Variants in ZC3H12B observed in about 807,000 individuals in gnomAD.
ZC3H12B encodes the protein zinc finger CCCH-type containing 12B.
ZC3H12B carries 7 observed loss-of-function variants against 43.9 expected under a neutral mutation model. The observed-to-expected ratio is 0.16, with a 90% CI of 0.09 to 0.30. The LOEUF (loss-of-function observed/expected upper bound fraction) is 0.30, where lower values mean the gene tolerates loss of function less well. Ranked by LOEUF, ZC3H12B falls within the 10% of genes least tolerant of loss-of-function variation. ZC3H12B has a pLI of 1.00. For missense variants in ZC3H12B, 475 were observed against 670.2 expected, an observed-to-expected ratio of 0.71 and a Z score of 3.22; for synonymous variants, 222 against 241.7, an observed-to-expected ratio of 0.92 and a Z score of 0.76.
At chrX:65,085,669 G>A in the ZC3H12B span, among the ~76,000 whole-genome samples, 1 of 110,129 alleles carries the variant, frequency 9.1e-6, no homozygotes, top group African/African-American at 3.3e-5. Context: ...CTACTCGGAA[G>A]TATAAGATGG....
At chrX:65,168,257 T>A in the ZC3H12B span, among the ~76,000 whole-genome samples, 18 of 112,144 alleles carry the variant, frequency 1.6e-4, no homozygotes, top group Non-Finnish European at 2.6e-4. Flanking sequence ...GGCTGTTGAA[T>A]TTTTTCCATG....
At chrX:65,421,985 G>A (rs1311561696) in intron 3 of ZC3H12B, among the ~76,000 whole-genome samples, 2 of 110,194 alleles carry the variant, frequency 1.8e-5, no homozygotes, top group African/African-American at 6.6e-5. Context: ...ATGAGCTGAT[G>A]TTCATAAAAC....
the ZC3H12B span, among the ~76,000 whole-genome samples, chrX:65,155,887 C>A: frequency 9.1e-6 from 1 of 109,937 alleles, no homozygotes; most frequent in Non-Finnish European, 1.9e-5. Flanking sequence ...ATTATTCCCA[C>A]TTTTCCTGTA....
the ZC3H12B span, among the ~76,000 whole-genome samples, chrX:65,290,203 G>A: frequency 9.0e-6 from 1 of 110,601 alleles, no homozygotes; most frequent in African/African-American, 3.3e-5. Context: ...AAGGTGATAT[G>A]CAAAATGGTT....
the ZC3H12B span, among the ~76,000 whole-genome samples, chrX:65,151,837 A>C: frequency 8.9e-6 from 1 of 111,817 alleles, no homozygotes; most frequent in Non-Finnish European, 1.9e-5. Flanking sequence ...CCTCAATAAA[A>C]TACTGGCAAA....
At chrX:65,250,073 G>A in the ZC3H12B span, among the ~76,000 whole-genome samples, 1 of 110,285 alleles carries the variant, frequency 9.1e-6, no homozygotes, top group South Asian at 3.9e-4. Flanking sequence ...ATCTCCTAAT[G>A]CTATCCCTCC....
At chrX:65,262,799 GTTA>G in the ZC3H12B span, among the ~76,000 whole-genome samples, 1 of 110,478 alleles carries the variant, frequency 9.1e-6, no homozygotes, top group East Asian at 2.8e-4. Context: ...TTCATGCATT[GTTA>G]TTTTTATTCA....
chrX:65,372,978 T>A (rs898919554), intron 2 of ZC3H12B, among the ~76,000 whole-genome samples: 1 of 112,268 alleles, frequency 8.9e-6, no homozygotes, highest in Non-Finnish European at 1.9e-5. Context: ...AAGCTGGACA[T>A]TAATCAGTCC....
At chrX:65,159,554 T>C in the ZC3H12B span, among the ~76,000 whole-genome samples, 10 of 111,880 alleles carry the variant, frequency 8.9e-5, no homozygotes, top group Non-Finnish European at 1.5e-4. Context: ...CACTCATGAT[T>C]TGGCTCTCTG....
At chrX:65,262,850 T>A in the ZC3H12B span, among the ~76,000 whole-genome samples, 1 of 110,606 alleles carries the variant, frequency 9.0e-6, no homozygotes, top group South Asian at 3.7e-4. Context: ...TTTGCTAGAT[T>A]CTCTTTCTCT....
chrX:65,180,899 T>G, the ZC3H12B span, among the ~76,000 whole-genome samples: 5 of 111,544 alleles, frequency 4.5e-5, no homozygotes. Context: ...TACCAGAAAC[T>G]ACTTCAAATT....
chrX:65,165,662 A>G, the ZC3H12B span, among the ~76,000 whole-genome samples: 1 of 112,696 alleles, frequency 8.9e-6, no homozygotes, highest in Non-Finnish European at 1.9e-5. Flanking sequence ...TCCATGGGGT[A>G]TATGTGCCAA....
chrX:65,048,488 A>G, the ZC3H12B span, among the ~76,000 whole-genome samples: 1 of 111,566 alleles, frequency 9.0e-6, no homozygotes, highest in Admixed American at 9.5e-5. Context: ...AGGAACCTCC[A>G]TACTGTTTTC....
intron 3 of ZC3H12B, among the ~76,000 whole-genome samples, chrX:65,481,997 C>T (rs2068069407): frequency 9.0e-6 from 1 of 111,044 alleles, no homozygotes. Context: ...TCAGAATTGC[C>T]CCGATCCTTG....
chrX:65,284,026 CAGGACTG>C, the ZC3H12B span, among the ~76,000 whole-genome samples: 1 of 110,947 alleles, frequency 9.0e-6, no homozygotes, highest in African/African-American at 3.3e-5. Flanking sequence ...CGATCCCCAG[CAGGACTG>C]AGGAGTGAGG....
chrX:65,158,372 A>G, the ZC3H12B span, among the ~76,000 whole-genome samples: 2 of 111,514 alleles, frequency 1.8e-5, no homozygotes, highest in East Asian at 5.7e-4. Context: ...TGGTTGAACT[A>G]GTTTACAGTC....
the ZC3H12B span, among the ~76,000 whole-genome samples, chrX:65,213,888 A>AAT: frequency 2.6e-4 from 27 of 105,770 alleles, no homozygotes; most frequent in South Asian, 3.6e-3. Flanking sequence ...GTAAAAAAAA[A>AAT]ATATATATAT....
the ZC3H12B span, among the ~76,000 whole-genome samples, chrX:65,239,392 C>T: frequency 9.1e-6 from 1 of 109,839 alleles, no homozygotes; most frequent in South Asian, 3.9e-4. Flanking sequence ...AGGATTGCAA[C>T]ACCTGCTCTT....
At chrX:65,354,206 G>C in the ZC3H12B span, among the ~76,000 whole-genome samples, 1 of 111,798 alleles carries the variant, frequency 8.9e-6, no homozygotes, top group African/African-American at 3.3e-5. Flanking sequence ...CAGACATCTT[G>C]TACAGGAGAG....
Sources: allele counts gnomAD v4.1 joint callset (sites outside exome capture counted in the v4.1 genomes callset), GRCh38; gene constraint gnomAD v4.1.1; transcripts MANE v1.5; gene names NCBI Gene and HGNC (gene_info 2026-07-23, HGNC 2026-07-21).